EML6: variants seen among roughly 807,000 people sequenced by gnomAD.
EML6 encodes EMAP like 6.
Under a neutral mutation model 240.1 loss-of-function variants are expected in EML6, and 154 were observed. The ratio of observed to expected loss-of-function variants is 0.64; its 90% CI spans 0.56 to 0.73. The LOEUF (loss-of-function observed/expected upper bound fraction) is 0.73, where lower values mean the gene tolerates loss of function less well. Among genes scored for constraint, EML6 ranks in the 30% least tolerant of loss-of-function variants. EML6 has a pLI of 0.00. For missense variants in EML6, 2,964 were observed against 2,474.6 expected, an observed-to-expected ratio of 1.20 and a Z score of -4.20; for synonymous variants, 1,148 against 899.0, an observed-to-expected ratio of 1.28 and a Z score of -4.95.
At chr2:54,865,993 T>C (rs1476032850) in intron 13 of EML6, among the ~76,000 whole-genome samples, 1 of 152,212 alleles carries the variant, frequency 6.6e-6, no homozygotes, top group Non-Finnish European at 1.5e-5. Context: ...TAATAATCTT[T>C]AGATTCTAGA....
At chr2:54,926,462 G>A (rs1011466346) in intron 26 of EML6, among the ~76,000 whole-genome samples, 5 of 152,208 alleles carry the variant, frequency 3.3e-5, no homozygotes, top group Non-Finnish European at 7.3e-5. Flanking sequence ...ATAGAGTTGT[G>A]GTGAAGCAGC....
At chr2:54,806,929 A>G (rs921981201) in intron 2 of EML6, among the ~76,000 whole-genome samples, 10 of 152,188 alleles carry the variant, frequency 6.6e-5, no homozygotes, top group Admixed American at 2.6e-4. Flanking sequence ...GACAGGTTTC[A>G]GTGATGCACT....
At chr2:54,752,811 C>G (rs1295717798) in intron 2 of EML6, among the ~76,000 whole-genome samples, 1 of 151,994 alleles carries the variant, frequency 6.6e-6, no homozygotes, top group African/African-American at 2.4e-5. Context: ...TTTTTTGAGA[C>G]AGAGTCTTAC....
In EML6 at chr2:54,970,119, TTGC is replaced by T. The variant is rs758279098; in HGVS notation, c.*35_*37del. The stretch of plus-strand genomic sequence containing the variant: ...AAAATGCCAGAAGCCTCTTATGTTA[TTGC>T]TGCTGCTGCTACCAGCCAGCAACTG... On this transcript the variant is annotated 3_prime_UTR_variant, in exon 42 of 42. Transcript: ENST00000356458. The T allele has an allele frequency of 9.0e-6, 14 of 1,551,344 alleles. No homozygotes were observed. Among genetic ancestry groups the T allele is most frequent in the South Asian group, 7.1e-5 (6 of 84,058 alleles).
intron 4 of EML6, 83 bp from the exon 5 acceptor site, chr2:54,820,311 G>A (rs1668273276): frequency 3.9e-6 from 3 of 760,940 alleles, no homozygotes; most frequent in Non-Finnish European, 6.7e-6. Context: ...TGTTATAGTA[G>A]AGTCTTGGCA....
chr2:54,889,503 T>C (rs1188778503), intron 17 of EML6, among the ~76,000 whole-genome samples: 2 of 136,398 alleles, frequency 1.5e-5, no homozygotes, highest in African/African-American at 2.7e-5. Flanking sequence ...CTCTTCACTT[T>C]TATGTTACAT....
intron 2 of EML6, among the ~76,000 whole-genome samples, chr2:54,806,612 CAAAAAAAAAAAAAAAAAAA>C (rs58185994): frequency 2.1e-4 from 11 of 52,864 alleles, no homozygotes; most frequent in Admixed American, 9.3e-4. Context: ...ACTCCGTCTC[CAAAAAAAAAAAAAAAAAAA>C]AAAAAAAAAA....
intron 9 of EML6, 117 bp downstream of exon 9, chr2:54,847,740 G>GGGCTCGT: frequency 9.7e-7 from 1 of 1,027,372 alleles, no homozygotes; most frequent in South Asian, 1.7e-5. Flanking sequence ...ATTCAAATAG[G>GGGCTCGT]AATACTATAG....
chr2:54,910,149 T>C (rs1302034189), intron 24 of EML6, among the ~76,000 whole-genome samples: 1 of 152,206 alleles, frequency 6.6e-6, no homozygotes, highest in Non-Finnish European at 1.5e-5. Context: ...TAATAGCTGT[T>C]GAGGCTGGAC....
At chr2:54,821,738 G>A (rs572673164) in intron 5 of EML6, among the ~76,000 whole-genome samples, 24 of 151,980 alleles carry the variant, frequency 1.6e-4, no homozygotes, top group Non-Finnish European at 3.1e-4. Flanking sequence ...GAGTATAATA[G>A]CATCTCTAAC....
At chr2:54,963,178 T>A (rs1319457921) in intron 36 of EML6, among the ~76,000 whole-genome samples, 1 of 152,208 alleles carries the variant, frequency 6.6e-6, no homozygotes, top group Non-Finnish European at 1.5e-5. Flanking sequence ...CATGGCCTTA[T>A]CCAGTGTTAA....
chr2:54,945,925 T>C (rs905757696), intron 28 of EML6, among the ~76,000 whole-genome samples: 1 of 152,212 alleles, frequency 6.6e-6, no homozygotes, highest in Non-Finnish European at 1.5e-5. Context: ...ATGTGCCAAC[T>C]GTTTCCACAG....
intron 2 of EML6, among the ~76,000 whole-genome samples, chr2:54,799,242 G>A (rs1447833414): frequency 1.3e-5 from 2 of 151,892 alleles, no homozygotes; most frequent in Non-Finnish European, 2.9e-5. Flanking sequence ...TGTATTTTTA[G>A]TAGAGAAGGA....
At chr2:54,835,347 C>G (rs1420301483) in intron 7 of EML6, among the ~76,000 whole-genome samples, 2 of 152,126 alleles carry the variant, frequency 1.3e-5, no homozygotes, top group Non-Finnish European at 2.9e-5. Flanking sequence ...GTGCTGGAGT[C>G]CTGGAAGTAG....
intron 18 of EML6, among the ~76,000 whole-genome samples, chr2:54,891,587 T>C (rs1672470291): frequency 6.6e-6 from 1 of 152,130 alleles, no homozygotes; most frequent in South Asian, 2.1e-4. Flanking sequence ...TAAATATTGG[T>C]GGATTTAATG....
chr2:54,854,514 A>T (rs527591623), intron 11 of EML6, among the ~76,000 whole-genome samples: 1 of 152,222 alleles, frequency 6.6e-6, no homozygotes, highest in African/African-American at 2.4e-5. Flanking sequence ...CAAAGCCCAT[A>T]TTCAGGCTCT....
At chr2:54,775,878 A>C (rs1334228922) in intron 2 of EML6, among the ~76,000 whole-genome samples, 5 of 152,212 alleles carry the variant, frequency 3.3e-5, no homozygotes, top group African/African-American at 1.2e-4. Context: ...ATTGTTGTAA[A>C]TACCCATAGG....
chr2:54,853,390 T>G (rs1307668452), intron 10 of EML6, among the ~76,000 whole-genome samples: 1 of 152,188 alleles, frequency 6.6e-6, no homozygotes, highest in East Asian at 1.9e-4. Flanking sequence ...TCATAGAATG[T>G]GTAGTGATCA....
chr2:54,837,226 A>G (rs144011531), intron 7 of EML6, among the ~76,000 whole-genome samples: 48 of 152,324 alleles, frequency 3.2e-4, no homozygotes, highest in African/African-American at 1.1e-3. Flanking sequence ...CTGGGCATAC[A>G]TTCACAGATA....
Sources: allele counts gnomAD v4.1 joint callset (sites outside exome capture counted in the v4.1 genomes callset), GRCh38; gene constraint gnomAD v4.1.1; transcripts MANE v1.5; gene names NCBI Gene and HGNC (gene_info 2026-07-23, HGNC 2026-07-21).